Variants in DPP10 observed in about 807,000 individuals in gnomAD.
The protein encoded by DPP10 is inactive dipeptidyl peptidase 10.
In DPP10, 33 loss-of-function variants were observed where a neutral mutation model predicts 120.9. The observed-to-expected ratio is 0.27, with a 90% CI of 0.21 to 0.37. DPP10 has a LOEUF of 0.37. DPP10 is among the 10% of genes least tolerant of loss of function. The pLI is 1.00. For missense variants in DPP10, 816 were observed against 942.8 expected, an observed-to-expected ratio of 0.87 and a Z score of 1.76; for synonymous variants, 337 against 326.1, an observed-to-expected ratio of 1.03 and a Z score of -0.36.
chr2:115,521,356 G>T (rs895735660), intron 4 of DPP10, among the ~76,000 whole-genome samples: 1 of 152,008 alleles, frequency 6.6e-6, no homozygotes, highest in Non-Finnish European at 1.5e-5. Flanking sequence ...AGGCTTTCTG[G>T]CATCTCTCTT....
chr2:115,517,471 C>T (rs2077563634), intron 4 of DPP10, among the ~76,000 whole-genome samples: 1 of 152,072 alleles, frequency 6.6e-6, no homozygotes, highest in Non-Finnish European at 1.5e-5. Context: ...ATCAGGTAGT[C>T]CATGATCATC....
intron 1 of DPP10, among the ~76,000 whole-genome samples, chr2:114,838,355 T>C (rs2106437657): frequency 6.6e-6 from 1 of 152,298 alleles, no homozygotes; most frequent in African/African-American, 2.4e-5. Context: ...TCTTCCTCTG[T>C]CACCCAGGCT....
At position 115,836,860 on chromosome 2, in the gene DPP10, A is replaced by T. The variant is rs1689592648; in HGVS notation, c.2182+114A>T. On this transcript the variant is annotated intron_variant, in intron 24 of 25. Transcript: ENST00000410059. ...AAACCTTCTGAAGAAGGGAGCAGAGAGTCACACAAAGAATCAGATACATGA... is the reference window on the plus strand; with the variant it reads ...AAACCTTCTGAAGAAGGGAGCAGAGTGTCACACAAAGAATCAGATACATGA... The T allele has an allele frequency of 8.0e-6, 7 of 869,788 alleles. No individual in the cohort carries two copies. The East Asian group carries it at 1.3e-4, about 16-fold the overall frequency. The allele number at this position is 869,788 out of a possible 1,614,324, so 53.9% of individuals were successfully genotyped here. A position where few individuals can be genotyped will look rare whatever the true frequency, so the allele number is the denominator to read the frequency against.
At position 115,289,652 on chromosome 2, in the gene DPP10, C is replaced by T. The variant is rs149735577; in HGVS notation, c.61-19587C>T. ...CATAGTACTGGTATAAAAGTAGACA[C>T]GAAGACCAATGAAGCAGAATAGAGA... On this transcript the variant is annotated intron_variant, in intron 1 of 25. Coordinates refer to ENST00000410059, the MANE Select transcript of DPP10 (RefSeq NM_020868.6). Among the ~76,000 whole-genome samples, 11 of 152,038 alleles carry T rather than the reference C, an allele frequency of 7.2e-5. 1 individual carries two copies. Among genetic ancestry groups the T allele is most frequent in the Middle Eastern group, 3.4e-3 (1 of 294 alleles).
chr2:114,686,887 G>C (rs539676827), intron 1 of DPP10, among the ~76,000 whole-genome samples: 1 of 151,976 alleles, frequency 6.6e-6, no homozygotes, highest in East Asian at 1.9e-4. Context: ...AAAACTTAAA[G>C]TCATATCCAA....
chr2:115,839,168 CTTAT>C (rs1689828152), intron 24 of DPP10, among the ~76,000 whole-genome samples: 1 of 152,146 alleles, frequency 6.6e-6, no homozygotes, highest in Non-Finnish European at 1.5e-5. Context: ...GCAGTTTGTA[CTTAT>C]GTAGCAATGA....
At chr2:115,157,079 A>G (rs1300254871) in intron 1 of DPP10, among the ~76,000 whole-genome samples, 1 of 152,100 alleles carries the variant, frequency 6.6e-6, no homozygotes, top group Non-Finnish European at 1.5e-5. Context: ...ACAGCAGGTA[A>G]ATTTCTCACG....
intron 1 of DPP10, among the ~76,000 whole-genome samples, chr2:114,520,147 A>G (rs1312069279): frequency 4.6e-5 from 7 of 152,266 alleles, no homozygotes; most frequent in African/African-American, 1.7e-4. Flanking sequence ...TTTATGGATG[A>G]CAGAAATGCA....
intron 1 of DPP10, among the ~76,000 whole-genome samples, chr2:115,261,124 AAAAAACAACAAC>A (rs1276030909): frequency 1.3e-5 from 2 of 152,236 alleles, no homozygotes; most frequent in African/African-American, 4.8e-5. Flanking sequence ...GTGGCTGAAG[AAAAAACAACAAC>A]AAGAACAACA....
At chr2:115,617,116 G>A (rs1037939207) in intron 5 of DPP10, among the ~76,000 whole-genome samples, 3 of 149,166 alleles carry the variant, frequency 2.0e-5, no homozygotes, top group African/African-American at 7.3e-5. Context: ...CAGGTGCTGG[G>A]GATACAATTA....
At chr2:115,593,245 T>TG (rs2082782959) in intron 5 of DPP10, among the ~76,000 whole-genome samples, 1 of 152,166 alleles carries the variant, frequency 6.6e-6, no homozygotes, top group Non-Finnish European at 1.5e-5. Flanking sequence ...AGCTCTCTAA[T>TG]AAAGCATTTC....
At chr2:114,700,449 A>G (rs945932741) in intron 1 of DPP10, among the ~76,000 whole-genome samples, 6 of 152,166 alleles carry the variant, frequency 3.9e-5, no homozygotes, top group Admixed American at 2.0e-4. Context: ...TTTGTCAGGA[A>G]TTGAAAGAAA....
intron 2 of DPP10, among the ~76,000 whole-genome samples, chr2:115,311,756 A>G (rs2061588254): frequency 6.6e-6 from 1 of 151,930 alleles, no homozygotes; most frequent in Admixed American, 6.6e-5. Flanking sequence ...TAGAAGTGGC[A>G]TTTATTTATT....
chr2:115,650,823 G>T (rs1318910678), intron 5 of DPP10, among the ~76,000 whole-genome samples: 1 of 151,984 alleles, frequency 6.6e-6, no homozygotes, highest in South Asian at 2.1e-4. Context: ...GAGCGGAAAA[G>T]GAGTGGGGAG....
rs976673521 is a variant in DPP10, at chr2:114,570,857, A to G, written c.60+128019A>G. Among the ~76,000 whole-genome samples, 824 of 150,758 alleles carry G rather than the reference A, an allele frequency of 5.5e-3. 4 individuals are homozygous for G. The highest frequency in any genetic ancestry group is 0.018 in the African/African-American group (756 of 41,020). The stretch of plus-strand genomic sequence containing the variant: ...CAAATAAAAAAAAAAAAAAAAAAAA[A>G]AAAGAAAAGTAGATGAAGGAATTAG... On this transcript the variant is annotated intron_variant, in intron 1 of 25. Coordinates refer to ENST00000410059, the MANE Select transcript of DPP10 (RefSeq NM_020868.6).
intron 1 of DPP10, among the ~76,000 whole-genome samples, chr2:115,148,169 T>C (rs747938090): frequency 1.3e-5 from 2 of 152,208 alleles, no homozygotes; most frequent in Non-Finnish European, 2.9e-5. Context: ...TTGTTCTCTA[T>C]ATAACATAGG....
intron 1 of DPP10, among the ~76,000 whole-genome samples, chr2:115,137,547 C>T (rs534587498): frequency 2.2e-4 from 34 of 152,294 alleles, no homozygotes; most frequent in African/African-American, 7.9e-4. Flanking sequence ...GTATGAAAGG[C>T]ACTTAGGCTG....
At chr2:114,952,184 T>G (rs1372267307) in intron 1 of DPP10, among the ~76,000 whole-genome samples, 1 of 151,982 alleles carries the variant, frequency 6.6e-6, no homozygotes, top group Non-Finnish European at 1.5e-5. Flanking sequence ...AAATGTGTAT[T>G]GTGTATGATA....
chr2:114,916,466 A>T (rs1243304613), intron 1 of DPP10, among the ~76,000 whole-genome samples: 2 of 152,208 alleles, frequency 1.3e-5, no homozygotes, highest in Admixed American at 1.3e-4. Context: ...TCTGTAACTC[A>T]TTCTATGAGG....
Sources: allele counts gnomAD v4.1 joint callset (sites outside exome capture counted in the v4.1 genomes callset), GRCh38; gene constraint gnomAD v4.1.1; transcripts MANE v1.5; gene names NCBI Gene and HGNC (gene_info 2026-07-23, HGNC 2026-07-21).